MYH10: variants seen among roughly 807,000 people sequenced by gnomAD.
The protein encoded by MYH10 is myosin heavy chain 10, also known as myosin-10.
A neutral mutation model predicts 257.8 loss-of-function variants in MYH10; 55 were observed. That is an observed-to-expected ratio of 0.21 (90% CI 0.17 to 0.27). The LOEUF (loss-of-function observed/expected upper bound fraction) is 0.27. Ranked by LOEUF, MYH10 falls within the 10% of genes least tolerant of loss-of-function variation. The probability of loss-of-function intolerance (pLI) is 1.00; values close to 1 mark genes in which losing one functional copy is unlikely to be tolerated. For synonymous variants in MYH10, 854 were observed against 921.7 expected (o/e 0.93, Z 1.33); for missense variants, 1,631 against 2,500.6 (o/e 0.65, Z 7.42).
intron 17 of MYH10, among the ~76,000 whole-genome samples, chr17:8,526,068 G>A (rs1006592221): frequency 1.3e-5 from 2 of 152,202 alleles, no homozygotes; most frequent in African/African-American, 4.8e-5. Flanking sequence ...TGGGATTACA[G>A]GCGTGAGCCA....
chr17:8,588,985 A>G, intron 4 of MYH10, 96 bp downstream of exon 4: 1 of 1,154,744 alleles, frequency 8.7e-7, no homozygotes, highest in Non-Finnish European at 1.3e-6. Flanking sequence ...ACTCTTAAAA[A>G]TTACTGCTCT....
chr17:8,614,304 C>CTTTT (rs1246350327), intron 2 of MYH10, among the ~76,000 whole-genome samples: 5 of 107,236 alleles, frequency 4.7e-5, no homozygotes, highest in East Asian at 2.7e-4. Flanking sequence ...AAGCAATTCA[C>CTTTT]TTCTTTTTTT....
intron 9 of MYH10, among the ~76,000 whole-genome samples, chr17:8,551,351 G>T (rs111918328): frequency 6.6e-6 from 1 of 152,126 alleles, no homozygotes; most frequent in African/African-American, 2.4e-5. Flanking sequence ...GGGTTCAAAG[G>T]TTTCACAGAT....
intron 2 of MYH10, among the ~76,000 whole-genome samples, chr17:8,622,313 C>T (rs1408381592): frequency 2.6e-5 from 4 of 151,842 alleles, no homozygotes; most frequent in Non-Finnish European, 5.9e-5. Flanking sequence ...TTTTCAATAA[C>T]TTCTTCTACA....
At chr17:8,626,571 T>TAATAATA (rs1192393637) in intron 1 of MYH10, among the ~76,000 whole-genome samples, 7 of 88,360 alleles carry the variant, frequency 7.9e-5, no homozygotes, top group Non-Finnish European at 6.9e-5. Flanking sequence ...TGTCTCAAAA[T>TAATAATA]AATAATAAAT....
At chr17:8,480,858 C>G (rs1913629213) in intron 38 of MYH10, among the ~76,000 whole-genome samples, 1 of 78,698 alleles carries the variant, frequency 1.3e-5, no homozygotes, top group South Asian at 4.3e-4. Context: ...CCAGCCTCCC[C>G]ACCGCTGAAA....
chr17:8,530,697 A>T lies in MYH10; in HGVS notation c.1895-12T>A. On this transcript the variant is annotated splice_polypyrimidine_tract_variant and intron_variant, in intron 16 of 42. Transcript: ENST00000360416. ...AATATTCTGAATCTCTAAAGCAGAG[A>T]AACAGCAAAAACAGGACAGAAGAGC... 5.8e-6 allele frequency: 9 copies of T among 1,540,172 alleles called. No individual in the cohort carries two copies. The highest frequency in any genetic ancestry group is 2.7e-5 in the African/African-American group (2 of 72,754).
At chr17:8,529,919 C>G (rs2081963086) in intron 17 of MYH10, among the ~76,000 whole-genome samples, 1 of 152,164 alleles carries the variant, frequency 6.6e-6, no homozygotes, top group Non-Finnish European at 1.5e-5. Flanking sequence ...TATTGTAATA[C>G]AGGGCTGAGG....
At chr17:8,629,292 CTT>C (rs1038583268) in intron 1 of MYH10, among the ~76,000 whole-genome samples, 43 of 152,202 alleles carry the variant, frequency 2.8e-4, no homozygotes, top group Admixed American at 1.4e-3. Flanking sequence ...AAACAGCAGT[CTT>C]TGTTTCATCT....
chr17:8,507,115 C>T (rs1296558580), intron 26 of MYH10, among the ~76,000 whole-genome samples: 3 of 152,118 alleles, frequency 2.0e-5, no homozygotes, highest in South Asian at 2.1e-4. Flanking sequence ...AGGATGAGAC[C>T]GAGTGTCACA....
intron 2 of MYH10, among the ~76,000 whole-genome samples, chr17:8,606,480 C>A (rs2084812302): frequency 1.3e-5 from 2 of 152,146 alleles, no homozygotes. Context: ...TACTGTATGG[C>A]CAGCTTCCCC....
At chr17:8,591,218 T>G (rs143246422) in intron 3 of MYH10, among the ~76,000 whole-genome samples, 1 of 152,284 alleles carries the variant, frequency 6.6e-6, no homozygotes, top group East Asian at 1.9e-4. Flanking sequence ...CAAACAATAC[T>G]GCGGTTGACT....
intron 2 of MYH10, among the ~76,000 whole-genome samples, chr17:8,609,659 A>T (rs1339421393): frequency 6.6e-6 from 1 of 152,186 alleles, no homozygotes; most frequent in Non-Finnish European, 1.5e-5. Context: ...ACGTAAAATT[A>T]AAATCCACAG....
chr17:8,501,580 TGAA>T (rs1027379348), intron 28 of MYH10, among the ~76,000 whole-genome samples: 12 of 152,210 alleles, frequency 7.9e-5, no homozygotes, highest in African/African-American at 2.9e-4. Flanking sequence ...AGCGTCCATG[TGAA>T]GAAGCCGCAA....
chr17:8,552,129 G>T lies in MYH10; in HGVS notation c.836C>A (p.Ser279Tyr). 1 of 1,555,886 alleles carries T rather than the reference G, an allele frequency of 6.4e-7. No individual in the cohort carries two copies. Among genetic ancestry groups the T allele is most frequent in the Non-Finnish European group, 8.7e-7 (1 of 1,146,396 alleles). The change falls in exon 9 of 43, where the codon TCT (serine) becomes TAT (tyrosine). Residue 279 changes from serine (S) to tyrosine (Y), a missense_variant. Around this residue, in one of 11 missense-constraint regions of MYH10, gnomAD observed 360 missense variants for 581.9 expected, o/e 0.62. Coordinates refer to ENST00000360416, the MANE Select transcript of MYH10 (RefSeq NM_001256012.3). This position sits in a 1 kb window ranked among gnomAD's most constrained non-coding sequence, Gnocchi z 4.8. ...ATCTTTTGCTTGACGAACAGCACGA[G>T]ACTTTTCCAGAAGGTCTGAGCAAAG... ...ANIETYLLEK[S>Y]RAVRQAKDER...
Position 8,490,187 on chromosome 17 carries a change from A to G in MYH10, c.4884+153T>C. On this transcript the variant is annotated intron_variant, in intron 35 of 42. Transcript: ENST00000360416. This position sits in a 1 kb window ranked among gnomAD's most constrained non-coding sequence, Gnocchi z 4.1. Reference sequence around the variant, plus strand: ...TAATTACAATAAAATTTAAATAATAAAATTCTCAAATGACCAAATAAATTC... The same window carrying G: ...TAATTACAATAAAATTTAAATAATAGAATTCTCAAATGACCAAATAAATTC... The G allele has an allele frequency of 1.5e-6, 1 of 649,038 alleles. No individual in the cohort carries two copies. The highest frequency in any genetic ancestry group is 2.8e-5 in the East Asian group (1 of 35,970). The allele number at this position is 649,038 out of a possible 1,614,324, so 40.2% of individuals were successfully genotyped here.
intron 1 of MYH10, among the ~76,000 whole-genome samples, chr17:8,630,285 T>A (rs991639942): frequency 6.9e-6 from 1 of 145,636 alleles, no homozygotes; most frequent in Admixed American, 6.8e-5. Context: ...GAGAACCTGG[T>A]CCTCACGTCC....
intron 1 of MYH10, among the ~76,000 whole-genome samples, chr17:8,623,894 G>A (rs916140402): frequency 9.9e-5 from 15 of 152,028 alleles, no homozygotes; most frequent in Admixed American, 6.6e-5. Context: ...GGCTTCACAC[G>A]GCAGCCTTTT....
intron 3 of MYH10, among the ~76,000 whole-genome samples, chr17:8,590,164 A>C (rs1355262464): frequency 6.6e-6 from 1 of 152,220 alleles, no homozygotes; most frequent in Non-Finnish European, 1.5e-5. Flanking sequence ...TTAGGCATAA[A>C]TAACTTCCAT....
Sources: gnomAD v4.1 joint callset for allele counts (sites outside exome capture counted in the v4.1 genomes callset) on GRCh38, gnomAD v4.1.1 for gene constraint, gnomAD v4.1.1 regional missense constraint, Gnocchi (gnomAD v3.1) non-coding constraint, MANE v1.5 for transcripts, NCBI Gene and HGNC (gene_info 2026-07-23, HGNC 2026-07-21) for gene names.